GPNMB: variants seen among roughly 807,000 people sequenced by gnomAD.
GPNMB encodes glycoprotein nmb, also known as transmembrane glycoprotein NMB.
In GPNMB, 71 loss-of-function variants were observed where a neutral mutation model predicts 57.3. The ratio of observed to expected loss-of-function variants is 1.24; its 90% CI spans 1.02 to 1.51. GPNMB has a LOEUF of 1.51. Among genes scored for constraint, GPNMB ranks in the 40% most tolerant of loss-of-function variants. The pLI is 0.00. For missense variants in GPNMB, 677 were observed against 691.9 expected (o/e 0.98, Z 0.24); for synonymous variants, 253 against 263.2 (o/e 0.96, Z 0.38).
In GPNMB at chr7:23,260,143, G is replaced by A. The variant is rs749702180; in HGVS notation, c.700+5G>A. On this transcript the variant is annotated splice_donor_5th_base_variant and intron_variant, in intron 5 of 10. Transcript: ENST00000258733. Reference sequence around the variant, plus strand: ...AAGATGTGTACGTGGTAACAGGTGAGTGGTGTGAACTCTAACTGAGGATGA... The same window carrying A: ...AAGATGTGTACGTGGTAACAGGTGAATGGTGTGAACTCTAACTGAGGATGA... The A allele has an allele frequency of 6.2e-7, 1 of 1,613,772 alleles. No individual in the cohort carries two copies. The highest frequency in any genetic ancestry group is 1.7e-5 in the Admixed American group (1 of 60,014).
chr7:23,263,782 A>G (rs1432476149), intron 6 of GPNMB, among the ~76,000 whole-genome samples: 2 of 152,148 alleles, frequency 1.3e-5, no homozygotes, highest in East Asian at 3.8e-4. Context: ...GGACGTTTCT[A>G]AAAGGGGTCT....
rs368833385 is a variant in GPNMB, at chr7:23,274,098, T to G, written c.1557T>G (p.Ser519Arg). The change falls in exon 11 of 11, where the codon AGT (serine) becomes AGG (arginine). Residue 519 changes from serine (S) to arginine (R), a missense_variant. By Grantham distance (110) the Ser-to-Arg change is moderately radical. Transcript: ENST00000258733. ...KHKEYNPIENSPGNVVRSKGL... is the reference protein window; with the variant it reads ...KHKEYNPIENRPGNVVRSKGL... ...AGGAATACAACCCAATAGAAAATAG[T>G]CCTGGGAATGTGGTCAGAAGCAAAG... is the stretch of plus-strand genomic sequence containing the variant. The G allele has an allele frequency of 5.0e-6, 8 of 1,612,858 alleles. No homozygotes were observed. In the East Asian group the frequency reaches 6.7e-5, roughly 13 times the overall value.
rs78275581 is a variant in GPNMB at position 23,256,426 on chromosome 7, C to A, written c.368-466C>A. ...ATCAAAAATAGCCAAATATACAAAC[C>A]TTGATTGGGGTGATAATGGTGTCAG... On this transcript the variant is annotated intron_variant, in intron 3 of 10. Coordinates refer to ENST00000258733, the MANE Select transcript of GPNMB (RefSeq NM_002510.3). Among the ~76,000 whole-genome samples the A allele has an allele frequency of 9.7e-3, 1,471 of 151,976 alleles. 28 individuals are homozygous for A. The highest frequency in any genetic ancestry group is 0.033 in the African/African-American group (1,369 of 41,440).
chr7:23,255,413 GA>G (rs1187230302), intron 3 of GPNMB, among the ~76,000 whole-genome samples: 2 of 152,156 alleles, frequency 1.3e-5, no homozygotes, highest in Non-Finnish European at 2.9e-5. Context: ...TTCTTTTTAT[GA>G]CTGAGTAATA....
chr7:23,252,377 A>G (rs1021038339), intron 1 of GPNMB, among the ~76,000 whole-genome samples: 6 of 152,386 alleles, frequency 3.9e-5, no homozygotes, highest in African/African-American at 1.4e-4. Flanking sequence ...AGACAGGTTT[A>G]AAATGTAAGG....
chr7:23,264,298 T>A (rs1783005757), intron 6 of GPNMB, among the ~76,000 whole-genome samples: 1 of 152,140 alleles, frequency 6.6e-6, no homozygotes, highest in Admixed American at 6.6e-5. Flanking sequence ...TGTGCGTTTC[T>A]CTCCATTAGC....
At chr7:23,272,128 ATGT>A (rs1398599815) in intron 9 of GPNMB, among the ~76,000 whole-genome samples, 1 of 152,208 alleles carries the variant, frequency 6.6e-6, no homozygotes, top group East Asian at 1.9e-4. Context: ...GAAGCTGCTA[ATGT>A]TATTCCTTCA....
At chr7:23,264,596 C>T (rs993885735) in intron 6 of GPNMB, among the ~76,000 whole-genome samples, 1 of 152,014 alleles carries the variant, frequency 6.6e-6, no homozygotes, top group South Asian at 2.1e-4. Flanking sequence ...AGGTTGGTCT[C>T]GAACTCCTGA....
Position 23,273,631 on chromosome 7 carries a change from T to C in GPNMB, c.1523+17T>C, listed in dbSNP as rs778744522. The C allele has an allele frequency of 3.6e-6, 5 of 1,395,160 alleles. No individual in the cohort carries two copies. Among genetic ancestry groups the C allele is most frequent in the Non-Finnish European group, 5.1e-6 (5 of 980,008 alleles). The allele number at this position is 1,395,160 out of a possible 1,614,324, so 86.4% of individuals were successfully genotyped here. ...GGTGTACAAGTAAGTTTTTGGTTCC[T>C]ACGCTTTATATCACTATAGTGTATT... On this transcript the variant is annotated intron_variant, in intron 10 of 10. Coordinates refer to ENST00000258733, the MANE Select transcript of GPNMB (RefSeq NM_002510.3).
rs1783107542 is a variant in GPNMB, at chr7:23,267,906, A to C, written c.1138A>C (p.Ile380Leu). 3.1e-6 allele frequency: 5 copies of C among 1,612,012 alleles called. No individual in the cohort carries two copies. The highest frequency in any genetic ancestry group is 4.2e-6 in the Non-Finnish European group (5 of 1,178,146). The change falls in exon 8 of 11, where the codon ATC becomes CTC. Residue 380 changes from isoleucine (I) to leucine (L), a missense_variant. Physicochemically the swap from Ile to Leu is conservative, Grantham distance 5 (BLOSUM62 2). Transcript: ENST00000258733. The stretch of plus-strand genomic sequence containing the variant: ...GTTAGAGGGAATCTTAGAGGTTAAC[A>C]TCATCCAGATGACAGACGTCCTGAT... The part of the protein sequence containing the change: ...TIVEGILEVN[I>L]IQMTDVLMPV...
chr7:23,262,508 A>G (rs961043577), intron 6 of GPNMB, among the ~76,000 whole-genome samples: 1 of 151,912 alleles, frequency 6.6e-6, no homozygotes, highest in Non-Finnish European at 1.5e-5. Flanking sequence ...AACATTATAG[A>G]CATCTTTCCA....
intron 6 of GPNMB, among the ~76,000 whole-genome samples, chr7:23,262,990 C>G (rs1295839094): frequency 4.6e-5 from 7 of 152,092 alleles, no homozygotes; most frequent in Non-Finnish European, 7.4e-5. Context: ...TATTGAACAA[C>G]TTTAAATATA....
chr7:23,253,735 C>A (rs1053418168), intron 2 of GPNMB, among the ~76,000 whole-genome samples: 1 of 152,184 alleles, frequency 6.6e-6, no homozygotes, highest in African/African-American at 2.4e-5. Flanking sequence ...ATTTAGCCAA[C>A]CTGGGAATGA....
chr7:23,255,622 C>T (rs538524910), intron 3 of GPNMB, among the ~76,000 whole-genome samples: 11 of 152,192 alleles, frequency 7.2e-5, no homozygotes, highest in African/African-American at 2.7e-4. Context: ...TTTGAGGAAC[C>T]TCCATACTGT....
intron 9 of GPNMB, chr7:23,272,989 T>G (rs907656098): frequency 2.6e-5 from 4 of 152,588 alleles, no homozygotes; most frequent in Non-Finnish European, 5.8e-5. Flanking sequence ...ACCACAGGCA[T>G]GCGCCACCAT....
At chr7:23,265,505 G>A (rs955340367) in intron 6 of GPNMB, among the ~76,000 whole-genome samples, 2 of 152,058 alleles carry the variant, frequency 1.3e-5, no homozygotes, top group African/African-American at 4.8e-5. Context: ...TATATTCAAG[G>A]CTTATTTTTC....
Position 23,260,106 on chromosome 7 carries a change from T to C in GPNMB, c.668T>C (p.Ile223Thr). 1 of 1,613,994 alleles carries C rather than the reference T, an allele frequency of 6.2e-7. No homozygotes were observed. Among genetic ancestry groups the C allele is most frequent in the Non-Finnish European group, 8.5e-7 (1 of 1,179,892 alleles). Reference sequence around the variant, plus strand: ...AGACATGGACGGGCATATGTTCCCATCGCACAAGTGAAAGATGTGTACGTG... The same window carrying C: ...AGACATGGACGGGCATATGTTCCCACCGCACAAGTGAAAGATGTGTACGTG... ...YRRHGRAYVPIAQVKDVYVVT... is the reference protein window; with the variant it reads ...YRRHGRAYVPTAQVKDVYVVT... The change falls in exon 5 of 11, where the codon ATC becomes ACC. Residue 223 changes from isoleucine to threonine, a missense_variant. Transcript: ENST00000258733.
intron 6 of GPNMB, among the ~76,000 whole-genome samples, chr7:23,261,938 C>G (rs1159881134): frequency 6.6e-6 from 1 of 152,120 alleles, no homozygotes; most frequent in Non-Finnish European, 1.5e-5. Context: ...CCACGCTACC[C>G]CATGCCATCA....
rs1370737520 is a variant in GPNMB, at chr7:23,255,641, G to A, written c.368-1251G>A. ...AGGAACCTCCATACTGTTTTCCATA[G>A]TGGTTGTACTAATTTACATTCCCAC... On this transcript the variant is annotated intron_variant, in intron 3 of 10. Coordinates refer to ENST00000258733, the MANE Select transcript of GPNMB (RefSeq NM_002510.3). 2.0e-5 allele frequency among the ~76,000 whole-genome samples: 3 copies of A among 152,038 alleles called. No individual in the cohort carries two copies. In the East Asian group the frequency reaches 5.8e-4, roughly 29 times the overall value.
Sources: allele counts gnomAD v4.1 joint callset (sites outside exome capture counted in the v4.1 genomes callset), GRCh38; gene constraint gnomAD v4.1.1; transcripts MANE v1.5; gene names NCBI Gene and HGNC (gene_info 2026-07-23, HGNC 2026-07-21).